Variants in PCDH9 observed in about 807,000 individuals in gnomAD.
PCDH9 encodes the protein protocadherin 9.
Under a neutral mutation model 70.6 loss-of-function variants are expected in PCDH9, and 24 were observed. That is an observed-to-expected ratio of 0.34 (90% confidence interval 0.25 to 0.48). PCDH9 has a LOEUF of 0.48. Ranked by LOEUF, PCDH9 falls within the 20% of genes least tolerant of loss-of-function variation. The probability of loss-of-function intolerance (pLI) is 0.99; values close to 1 mark genes in which losing one functional copy is unlikely to be tolerated. For missense variants in PCDH9, 1,281 were observed against 1,503.6 expected (o/e 0.85, Z 2.45); for synonymous variants, 562 against 558.5 (o/e 1.01, Z -0.09).
At chr13:67,170,213 C>A (rs971600853) in intron 2 of PCDH9, among the ~76,000 whole-genome samples, 1 of 152,112 alleles carries the variant, frequency 6.6e-6, no homozygotes, top group South Asian at 2.1e-4. Flanking sequence ...GAATGTAATG[C>A]TTCATTAAGA....
At chr13:67,090,754 C>T (rs1304291138) in intron 2 of PCDH9, among the ~76,000 whole-genome samples, 2 of 151,882 alleles carry the variant, frequency 1.3e-5, no homozygotes, top group Non-Finnish European at 2.9e-5. Context: ...TATTACAACA[C>T]GAAAAGGCTT....
At chr13:66,719,590 T>A (rs929537601) in intron 3 of PCDH9, among the ~76,000 whole-genome samples, 1 of 152,320 alleles carries the variant, frequency 6.6e-6, no homozygotes, top group South Asian at 2.1e-4. Flanking sequence ...TCTGTTTTTT[T>A]AATACATTAT....
At chr13:66,343,901 T>A (rs1956170812) in intron 4 of PCDH9, among the ~76,000 whole-genome samples, 1 of 152,164 alleles carries the variant, frequency 6.6e-6, no homozygotes, top group Non-Finnish European at 1.5e-5. Context: ...AAAAATAAGC[T>A]TTGAAATCAT....
chr13:66,333,451 A>G (rs1312286891), intron 4 of PCDH9, among the ~76,000 whole-genome samples: 1 of 152,190 alleles, frequency 6.6e-6, no homozygotes, highest in Non-Finnish European at 1.5e-5. Flanking sequence ...CCTTGACAAC[A>G]TGCTTTCTTC....
At chr13:66,899,457 C>T (rs1388506059) in intron 3 of PCDH9, among the ~76,000 whole-genome samples, 1 of 151,934 alleles carries the variant, frequency 6.6e-6, no homozygotes, top group Non-Finnish European at 1.5e-5. Context: ...GGGAGAAGTC[C>T]TATCTCAAAA....
chr13:66,575,679 G>A (rs2076804685), intron 4 of PCDH9, among the ~76,000 whole-genome samples: 1 of 151,860 alleles, frequency 6.6e-6, no homozygotes, highest in African/African-American at 2.4e-5. Flanking sequence ...TCATCCTTTA[G>A]GTTTTAGCTA....
chr13:66,435,817 G>T (rs1344412827), intron 4 of PCDH9, among the ~76,000 whole-genome samples: 2 of 152,084 alleles, frequency 1.3e-5, no homozygotes, highest in African/African-American at 4.8e-5. Flanking sequence ...TTTCATGGCT[G>T]CAGGCACATC....
At chr13:67,126,818 C>G (rs2086990099) in intron 2 of PCDH9, among the ~76,000 whole-genome samples, 1 of 151,970 alleles carries the variant, frequency 6.6e-6, no homozygotes, top group Non-Finnish European at 1.5e-5. Context: ...CCACTGCACT[C>G]CAATCTGGCA....
chr13:66,715,748 A>G (rs569306757), intron 3 of PCDH9, among the ~76,000 whole-genome samples: 1 of 152,324 alleles, frequency 6.6e-6, no homozygotes, highest in East Asian at 1.9e-4. Context: ...ACAGACAAAT[A>G]AATGCAACAA....
At chr13:66,577,219 T>C (rs1399917275) in intron 4 of PCDH9, among the ~76,000 whole-genome samples, 1 of 151,856 alleles carries the variant, frequency 6.6e-6, no homozygotes, top group Non-Finnish European at 1.5e-5. Flanking sequence ...TATTACCATG[T>C]ATACTATTTG....
chr13:66,966,509 T>C (rs2083437069), intron 2 of PCDH9, among the ~76,000 whole-genome samples: 1 of 151,926 alleles, frequency 6.6e-6, no homozygotes, highest in African/African-American at 2.4e-5. Context: ...CTCAGGAAAA[T>C]AGAATCATTT....
chr13:66,675,376 T>A (rs2078228851), intron 3 of PCDH9, among the ~76,000 whole-genome samples: 1 of 152,152 alleles, frequency 6.6e-6, no homozygotes, highest in East Asian at 1.9e-4. Context: ...AAGATATGCA[T>A]GCATGCCTGG....
chr13:66,988,360 T>A (rs1162361754), intron 2 of PCDH9, among the ~76,000 whole-genome samples: 1 of 152,034 alleles, frequency 6.6e-6, no homozygotes, highest in Non-Finnish European at 1.5e-5. Context: ...GTTTGCCAGT[T>A]TCCCTTCCTT....
intron 4 of PCDH9, among the ~76,000 whole-genome samples, chr13:66,353,644 A>T (rs766214684): frequency 9.2e-5 from 14 of 152,106 alleles, no homozygotes; most frequent in Non-Finnish European, 5.9e-5. Flanking sequence ...ACCTTTTAAA[A>T]TTTTTGTCTC....
intron 4 of PCDH9, among the ~76,000 whole-genome samples, chr13:66,449,495 G>T (rs1958163687): frequency 6.6e-6 from 1 of 152,046 alleles, no homozygotes; most frequent in Non-Finnish European, 1.5e-5. Flanking sequence ...TAGGACTAGG[G>T]GCTTGCCACC....
At chr13:67,073,184 A>G (rs1047705481) in intron 2 of PCDH9, among the ~76,000 whole-genome samples, 4 of 152,140 alleles carry the variant, frequency 2.6e-5, no homozygotes, top group African/African-American at 4.8e-5. Context: ...GAATTTGTAT[A>G]AAGTGTCCAT....
At chr13:67,084,997 A>AAAAAT (rs1566414172) in intron 2 of PCDH9, among the ~76,000 whole-genome samples, 9 of 33,200 alleles carry the variant, frequency 2.7e-4, no homozygotes, top group Non-Finnish European at 4.1e-4. Flanking sequence ...AAAAAAAAAA[A>AAAAAT]ATATATATAT....
At chr13:67,159,169 G>A (rs2087889679) in intron 2 of PCDH9, among the ~76,000 whole-genome samples, 1 of 152,182 alleles carries the variant, frequency 6.6e-6, no homozygotes, top group Non-Finnish European at 1.5e-5. Context: ...GGAGAGATTT[G>A]AGTGGGAGGA....
At chr13:66,355,193 C>T (rs1956361173) in intron 4 of PCDH9, among the ~76,000 whole-genome samples, 1 of 151,892 alleles carries the variant, frequency 6.6e-6, no homozygotes, top group South Asian at 2.1e-4. Flanking sequence ...TTTTAATCCC[C>T]AGGCTTGATG....
Sources: gnomAD v4.1 joint callset for allele counts (sites outside exome capture counted in the v4.1 genomes callset) on GRCh38, gnomAD v4.1.1 for gene constraint, MANE v1.5 for transcripts, NCBI Gene and HGNC (gene_info 2026-07-23, HGNC 2026-07-21) for gene names.